MCM2: variants seen among roughly 807,000 people sequenced by gnomAD.
The protein encoded by MCM2 is DNA replication licensing factor MCM2.
In MCM2, 49 loss-of-function variants were observed where a neutral mutation model predicts 86.4. The observed-to-expected ratio is 0.57, with a 90% CI of 0.45 to 0.72. The LOEUF (loss-of-function observed/expected upper bound fraction) is 0.72. Ranked by LOEUF, MCM2 falls within the 30% of genes least tolerant of loss-of-function variation. The pLI is 0.00. For synonymous variants in MCM2, 475 were observed against 484.6 expected, an observed-to-expected ratio of 0.98 and a Z score of 0.26; for missense variants, 1,038 against 1,259.9, an observed-to-expected ratio of 0.82 and a Z score of 2.67.
rs2074444401 is a variant in MCM2 at position 127,617,744 on chromosome 3, G to A, written c.1901-225G>A. The A allele has an allele frequency of 1.7e-6, 1 of 590,366 alleles. No individual in the cohort carries two copies. The highest frequency in any genetic ancestry group is 3.0e-5 in the Admixed American group (1 of 33,682). 36.6% of individuals were successfully genotyped at this position (590,366 alleles called of 1,614,324 possible). ...AGGCTCTGTCACCCACTGTGTTCTT[G>A]GTTTTTCCTCCTGGGGAAGCAGTTA... is the stretch of plus-strand genomic sequence containing the variant. On this transcript the variant is annotated intron_variant, in intron 11 of 15. Transcript: ENST00000265056. The surrounding 1 kb of genome is among the most constrained non-coding windows in gnomAD (Gnocchi z 4.1).
intron 2 of MCM2, among the ~76,000 whole-genome samples, chr3:127,600,272 ACT>A (rs2074297977): frequency 1.3e-5 from 2 of 152,228 alleles, no homozygotes; most frequent in South Asian, 4.1e-4. Flanking sequence ...AAAGAGTGAA[ACT>A]CTGTTTCAAA....
intron 8 of MCM2, among the ~76,000 whole-genome samples, chr3:127,611,560 G>A (rs1195407660): frequency 2.6e-5 from 4 of 151,984 alleles, no homozygotes; most frequent in Admixed American, 6.6e-5. Flanking sequence ...CCCCGCTCCC[G>A]TGTCTTGATG....
chr3:127,610,663 C>G (rs1435053708), intron 8 of MCM2: 2 of 396,028 alleles, frequency 5.1e-6, no homozygotes, highest in African/African-American at 4.2e-5. Flanking sequence ...TTCCTTTTCT[C>G]AAGTGTATTG....
chr3:127,610,037 T>G (rs2074382680), intron 8 of MCM2, among the ~76,000 whole-genome samples: 1 of 151,870 alleles, frequency 6.6e-6, no homozygotes, highest in South Asian at 2.1e-4. Flanking sequence ...TAGAGACAGA[T>G]TTCACCATGT....
intron 6 of MCM2, 35 bp from the exon 7 acceptor site, chr3:127,608,347 T>A: frequency 5.6e-6 from 9 of 1,609,326 alleles, no homozygotes; most frequent in Non-Finnish European, 7.7e-6. Flanking sequence ...ACATAGTAAG[T>A]CAGTGATTTG....
Position 127,609,837 on chromosome 3 carries a change from C to CTTTTT in MCM2, c.1428+837_1428+841dup, listed in dbSNP as rs10716532. On this transcript the variant is annotated intron_variant, in intron 8 of 15. Transcript: ENST00000265056. ...CTTCCTCTGTTTCTCAGTCAACTTC[C>CTTTTT]TTTTTTTTTTTTTTTTTTTTTTTTT... Among the ~76,000 whole-genome samples, 3 of 69,086 alleles carry CTTTTT rather than the reference C, an allele frequency of 4.3e-5. 1 individual carries two copies. Among genetic ancestry groups the CTTTTT allele is most frequent in the African/African-American group, 1.1e-4 (2 of 18,468 alleles). The allele number at this position is 69,086 out of a possible 152,430, so 45.3% of individuals were successfully genotyped here.
chr3:127,617,563 A>G lies in MCM2; in HGVS notation c.1900+158A>G. On this transcript the variant is annotated intron_variant, in intron 11 of 15. Transcript: ENST00000265056. The surrounding 1 kb of genome is among the most constrained non-coding windows in gnomAD (Gnocchi z 4.1). Reference sequence around the variant, plus strand: ...TGCATATCCTGCCAGAGTGGGGAACAGTGAAAGTGGGACCTGGGACACCTG... The same window carrying G: ...TGCATATCCTGCCAGAGTGGGGAACGGTGAAAGTGGGACCTGGGACACCTG... 1.0e-6 allele frequency: 1 copy of G among 956,456 alleles called. No homozygotes were observed. Among genetic ancestry groups the G allele is most frequent in the Non-Finnish European group, 1.5e-6 (1 of 662,512 alleles). The allele number at this position is 956,456 out of a possible 1,614,324, so 59.2% of individuals were successfully genotyped here. A position where few individuals can be genotyped will look rare whatever the true frequency, so the allele number is the denominator to read the frequency against.
At position 127,602,447 on chromosome 3, in the gene MCM2, T is replaced by C. The variant is rs1329496097; in HGVS notation, c.237-2161T>C. On this transcript the variant is annotated intron_variant, in intron 2 of 15. Coordinates refer to ENST00000265056, the MANE Select transcript of MCM2 (RefSeq NM_004526.4). ...AAAAGGAGAATTCAAGGGGATTGTC[T>C]TGGGGAGGCAGTATGGCATGGGGGA... is the stretch of plus-strand genomic sequence containing the variant. Among the ~76,000 whole-genome samples, 4 of 152,282 alleles carry C rather than the reference T, an allele frequency of 2.6e-5. No individual in the cohort carries two copies. The East Asian group carries it at 7.7e-4, about 29-fold the overall frequency.
intron 6 of MCM2, among the ~76,000 whole-genome samples, chr3:127,607,471 G>T (rs1184661108): frequency 6.6e-6 from 1 of 152,186 alleles, no homozygotes; most frequent in Non-Finnish European, 1.5e-5. Context: ...GTCCCAGCTG[G>T]AGCCACCTTG....
At chr3:127,612,551 A>C (rs1462151750) in intron 8 of MCM2, among the ~76,000 whole-genome samples, 1 of 152,258 alleles carries the variant, frequency 6.6e-6, no homozygotes, top group Admixed American at 6.5e-5. Context: ...ATTTGTACAA[A>C]AACTGGATGG....
chr3:127,607,006 C>T (rs2074356941), intron 6 of MCM2, among the ~76,000 whole-genome samples, 189 bp downstream of exon 6: 1 of 152,240 alleles, frequency 6.6e-6, no homozygotes, highest in South Asian at 2.1e-4. Context: ...GCCCACACGA[C>T]GTTTTTAGGA....
Position 127,617,741 on chromosome 3 carries a change from C to A in MCM2, c.1901-228C>A. 1 of 590,714 alleles carries A rather than the reference C, an allele frequency of 1.7e-6. No individual in the cohort carries two copies. The highest frequency in any genetic ancestry group is 2.8e-5 in the East Asian group (1 of 35,268). The allele number at this position is 590,714 out of a possible 1,614,324, so 36.6% of individuals were successfully genotyped here. On this transcript the variant is annotated intron_variant, in intron 11 of 15. Coordinates refer to ENST00000265056, the MANE Select transcript of MCM2 (RefSeq NM_004526.4). This position sits in a 1 kb window ranked among gnomAD's most constrained non-coding sequence, Gnocchi z 4.1. ...CCCAGGCTCTGTCACCCACTGTGTT[C>A]TTGGTTTTTCCTCCTGGGGAAGCAG...
Position 127,604,684 on chromosome 3 carries a change from C to T in MCM2, c.313C>T (p.Leu105=). Residue 105 remains leucine (L), a synonymous_variant, in exon 3 of 16, where the codon CTG becomes TTG. Coordinates refer to ENST00000265056, the MANE Select transcript of MCM2 (RefSeq NM_004526.4). ...LALDDEDVEE[L]TASQREAAER... ...TCTGGATGATGAGGACGTAGAGGAG[C>T]TGACGGCCAGTCAGAGGGAGGCAGC... 3 of 1,612,806 alleles carry T rather than the reference C, an allele frequency of 1.9e-6. No homozygotes were observed. Among genetic ancestry groups the T allele is most frequent in the Non-Finnish European group, 2.5e-6 (3 of 1,179,972 alleles).
chr3:127,611,686 T>A (rs907940483), intron 8 of MCM2, among the ~76,000 whole-genome samples: 8 of 22,552 alleles, frequency 3.5e-4, no homozygotes, highest in East Asian at 1.0e-3. Context: ...AGCTGACTTT[T>A]TTTTTTTTTT....
chr3:127,614,794 G>A (rs2074421564), intron 8 of MCM2, among the ~76,000 whole-genome samples: 1 of 152,068 alleles, frequency 6.6e-6, no homozygotes, highest in South Asian at 2.1e-4. Context: ...TCCCTTTTTT[G>A]CCAGCGTGAA....
chr3:127,604,657 G>T lies in MCM2; in HGVS notation c.286G>T (p.Ala96Ser). ...ELDAYEAEGL[A>S]LDDEDVEELT... The stretch of plus-strand genomic sequence containing the variant: ...GGACGCCTATGAGGCCGAGGGACTG[G>T]CTCTGGATGATGAGGACGTAGAGGA... Residue 96 changes from alanine (A) to serine (S), a missense_variant, in exon 3 of 16, where the codon GCT becomes TCT. By Grantham distance (99) the Ala-to-Ser change is moderately conservative (BLOSUM62 1). Coordinates refer to ENST00000265056, the MANE Select transcript of MCM2 (RefSeq NM_004526.4). 6.2e-7 allele frequency: 1 copy of T among 1,613,202 alleles called. No individual in the cohort carries two copies.
intron 1 of MCM2, chr3:127,598,727 T>C: frequency 1.9e-6 from 1 of 529,370 alleles, no homozygotes; most frequent in Non-Finnish European, 3.3e-6. Context: ...ACATACTTAT[T>C]GGGCGCCATC....
At position 127,608,788 on chromosome 3, in the gene MCM2, C is replaced by T; in HGVS notation, c.1237-44C>T. ...GAGGAAGGCAGCACGGAGGTGGGCA[C>T]CCCTGGGTTAGGCTCTGACTTCTTG... On this transcript the variant is annotated intron_variant, in intron 7 of 15. Coordinates refer to ENST00000265056, the MANE Select transcript of MCM2 (RefSeq NM_004526.4). 1.9e-6 allele frequency: 3 copies of T among 1,598,002 alleles called. No individual in the cohort carries two copies. In the South Asian group the frequency reaches 3.3e-5, roughly 18 times the overall value.
At position 127,609,014 on chromosome 3, in the gene MCM2, C is replaced by T. The variant is rs757423043; in HGVS notation, c.1419C>T (p.Ile473=). 5.6e-6 allele frequency: 9 copies of T among 1,613,836 alleles called. No homozygotes were observed. The highest frequency in any genetic ancestry group is 4.5e-5 in the East Asian group (2 of 44,874). Residue 473 remains isoleucine, a synonymous_variant, in exon 8 of 16, where the codon ATC becomes ATT. Transcript: ENST00000265056. The stretch of plus-strand genomic sequence containing the variant: ...CTAGCCTCTCCAAGGATCAGCAGAT[C>T]GGAGAGAAGGTAGGTGGAAGGCAGG... ...MITSLSKDQQ[I]GEKIFASIAP...
Sources: allele counts gnomAD v4.1 joint callset (sites outside exome capture counted in the v4.1 genomes callset), GRCh38; gene constraint gnomAD v4.1.1; non-coding constraint Gnocchi (gnomAD v3.1); transcripts MANE v1.5; gene names NCBI Gene and HGNC (gene_info 2026-07-23, HGNC 2026-07-21).